PCDHGB2: variants seen among roughly 807,000 people sequenced by gnomAD.
The protein encoded by PCDHGB2 is protocadherin gamma-B2.
In PCDHGB2, 55 loss-of-function variants were observed where a neutral mutation model predicts 59.3. That is an observed-to-expected ratio of 0.93 (90% CI 0.75 to 1.16). The LOEUF is 1.16. PCDHGB2 is among the 50% of genes most tolerant of loss of function. PCDHGB2 has a pLI of 0.00. For missense variants in PCDHGB2, 1,228 were observed against 1,198.5 expected, an observed-to-expected ratio of 1.02 and a Z score of -0.36; for synonymous variants, 516 against 512.0, an observed-to-expected ratio of 1.01 and a Z score of -0.11.
At position 141,405,406 on chromosome 5, in the gene PCDHGB2, T is replaced by C. The variant is rs750140674; in HGVS notation, c.2421+42850T>C. On this transcript the variant is annotated intron_variant, in intron 1 of 3. Coordinates refer to ENST00000522605, the MANE Select transcript of PCDHGB2 (RefSeq NM_018923.3). ...GTTCATTTTTTTTCTTTCTTTCTTTTCTTTTTTTGTTTTTTGTTTTGTTTT... is the reference window on the plus strand; with the variant it reads ...GTTCATTTTTTTTCTTTCTTTCTTTCCTTTTTTTGTTTTTTGTTTTGTTTT... 1.2e-5 allele frequency: 19 copies of C among 1,584,070 alleles called. No individual in the cohort carries two copies. The Admixed American group carries it at 1.2e-4, about 10-fold the overall frequency.
At chr5:141,403,390 G>A in intron 1 of PCDHGB2, 1 of 1,614,038 alleles carries the variant, frequency 6.2e-7, no homozygotes, top group Non-Finnish European at 8.5e-7. Context: ...ACGAAATCGC[G>A]GTTCCTGGAG....
At chr5:141,418,393 C>A in intron 1 of PCDHGB2, 1 of 1,613,984 alleles carries the variant, frequency 6.2e-7, no homozygotes, top group Non-Finnish European at 8.5e-7. Context: ...ACGAGTATTT[C>A]TCATTGGTGG....
At chr5:141,374,945 A>T (rs779694385) in intron 1 of PCDHGB2, 1 of 1,614,034 alleles carries the variant, frequency 6.2e-7, no homozygotes, top group Non-Finnish European at 8.5e-7. Context: ...TACAGAAAAG[A>T]TCTCACAAAT....
intron 1 of PCDHGB2, chr5:141,374,885 G>A (rs753304716): frequency 9.3e-6 from 15 of 1,613,516 alleles, no homozygotes; most frequent in South Asian, 1.1e-5. Flanking sequence ...GACTGCCACC[G>A]ACCAGGATGA....
rs1228153118 is a variant in PCDHGB2 at position 141,433,077 on chromosome 5, C to G, written c.2422-61730C>G. 5.0e-6 allele frequency: 8 copies of G among 1,614,080 alleles called. No homozygotes were observed. The African/African-American group carries it at 6.7e-5, about 13-fold the overall frequency. On this transcript the variant is annotated intron_variant, in intron 1 of 3. Transcript: ENST00000522605. Reference sequence around the variant, plus strand: ...AAGAGTCACCTGATCTTCCCCCAGCCCAACTATGCAGACATGCTCGTCAGC... The same window carrying G: ...AAGAGTCACCTGATCTTCCCCCAGCGCAACTATGCAGACATGCTCGTCAGC...
At chr5:141,452,792 A>AT (rs745523252) in intron 1 of PCDHGB2, among the ~76,000 whole-genome samples, 15 of 152,178 alleles carry the variant, frequency 9.9e-5, no homozygotes, top group Admixed American at 2.0e-4. Context: ...ACATACCATC[A>AT]TTTTTGCTGT....
intron 1 of PCDHGB2, chr5:141,422,195 A>G: frequency 6.4e-7 from 1 of 1,562,278 alleles, no homozygotes; most frequent in African/African-American, 1.4e-5. Flanking sequence ...ATTCAAGGCC[A>G]AGATGGTGGA....
In PCDHGB2 at chr5:141,405,165, C is replaced by G. The variant is rs745998723; in HGVS notation, c.2421+42609C>G. 1.9e-6 allele frequency: 3 copies of G among 1,613,978 alleles called. No individual in the cohort carries two copies. In the South Asian group the frequency reaches 3.3e-5, roughly 18 times the overall value. On this transcript the variant is annotated intron_variant, in intron 1 of 3. Transcript: ENST00000522605. Reference sequence around the variant, plus strand: ...GATGGGTTGGCTGGTGTGCCCACCTCACACTTTGTGGGTGTAGATGGGGTT... The same window carrying G: ...GATGGGTTGGCTGGTGTGCCCACCTGACACTTTGTGGGTGTAGATGGGGTT...
At chr5:141,426,625 A>G (rs770683989) in intron 1 of PCDHGB2, 29 of 394,754 alleles carry the variant, frequency 7.3e-5, no homozygotes, top group South Asian at 7.2e-5. Context: ...AATCCTCTAA[A>G]TGTTTTTCAC....
intron 1 of PCDHGB2, chr5:141,478,790 C>T: frequency 6.8e-7 from 1 of 1,472,906 alleles, no homozygotes. Flanking sequence ...AATTCACATC[C>T]TCAGCACTCT....
intron 1 of PCDHGB2, chr5:141,408,837 T>A: frequency 6.2e-7 from 1 of 1,613,716 alleles, no homozygotes; most frequent in Non-Finnish European, 8.5e-7. Flanking sequence ...AGCTTGATAT[T>A]GACTGCCTTG....
At chr5:141,434,608 C>T (rs142418557) in intron 1 of PCDHGB2, among the ~76,000 whole-genome samples, 1,532 of 152,226 alleles carry the variant, frequency 0.01, 34 homozygotes, top group African/African-American at 0.034. Flanking sequence ...CCTTTATTTC[C>T]GCCCATCTCT....
intron 1 of PCDHGB2, chr5:141,403,667 GC>G: frequency 6.2e-7 from 1 of 1,613,910 alleles, no homozygotes; most frequent in Non-Finnish European, 8.5e-7. Context: ...AAATGATAAT[GC>G]CCCGGTTTTT....
chr5:141,483,637 G>C (rs1365525499), intron 1 of PCDHGB2, among the ~76,000 whole-genome samples: 2 of 145,762 alleles, frequency 1.4e-5, no homozygotes. Context: ...AAGGTATAGA[G>C]GGGTGTGTGT....
intron 1 of PCDHGB2, chr5:141,365,312 G>T: frequency 1.2e-6 from 2 of 1,614,006 alleles, no homozygotes; most frequent in African/African-American, 1.3e-5. Context: ...AGGCGCTCTT[G>T]TTGCCAGCGC....
Position 141,490,760 on chromosome 5 carries a change from T to G in PCDHGB2, c.2422-4047T>G. 1 of 1,614,070 alleles carries G rather than the reference T, an allele frequency of 6.2e-7. No individual in the cohort carries two copies. On this transcript the variant is annotated intron_variant, in intron 1 of 3. Coordinates refer to ENST00000522605, the MANE Select transcript of PCDHGB2 (RefSeq NM_018923.3). This position sits in a 1 kb window ranked among gnomAD's most constrained non-coding sequence, Gnocchi z 5.4. Reference sequence around the variant, plus strand: ...CAGGGAGCCCCAGCCTCCTCCTTTGTGTATGTCAACCCAGAGGATGGACGG... The same window carrying G: ...CAGGGAGCCCCAGCCTCCTCCTTTGGGTATGTCAACCCAGAGGATGGACGG...
intron 1 of PCDHGB2, chr5:141,376,399 G>C (rs764497807): frequency 6.2e-7 from 1 of 1,614,182 alleles, no homozygotes; most frequent in South Asian, 1.1e-5. Flanking sequence ...TTTTCCCCCA[G>C]CCCAACTATG....
At chr5:141,423,076 C>A in intron 1 of PCDHGB2, 1 of 1,614,128 alleles carries the variant, frequency 6.2e-7, no homozygotes, top group Non-Finnish European at 8.5e-7. Context: ...CGAGCCGGGA[C>A]TCTTCGCGGT....
intron 1 of PCDHGB2, chr5:141,394,248 C>T (rs937129072): frequency 9.3e-6 from 15 of 1,613,816 alleles, no homozygotes; most frequent in Admixed American, 6.7e-5. Flanking sequence ...TGCACACGAC[C>T]CCGACAGCCA....
Sources: gnomAD v4.1 joint callset for allele counts (sites outside exome capture counted in the v4.1 genomes callset) on GRCh38, gnomAD v4.1.1 for gene constraint, Gnocchi (gnomAD v3.1) non-coding constraint, MANE v1.5 for transcripts, NCBI Gene and HGNC (gene_info 2026-07-23, HGNC 2026-07-21) for gene names.